Variants in ZNF709 observed in about 807,000 individuals in gnomAD.
The protein encoded by ZNF709 is zinc finger protein 709.
Under a neutral mutation model 10.6 loss-of-function variants are expected in ZNF709, and 15 were observed. That is an observed-to-expected ratio of 1.41 (90% CI 0.95 to 2.18). The LOEUF is 2.18. Among genes scored for constraint, ZNF709 ranks in the 30% most tolerant of loss-of-function variants. The pLI, the probability that ZNF709 is intolerant of heterozygous loss-of-function variation, is 0.00. For missense variants in ZNF709, 589 were observed against 774.0 expected, an observed-to-expected ratio of 0.76 and a Z score of 2.84; for synonymous variants, 194 against 238.8, an observed-to-expected ratio of 0.81 and a Z score of 1.73.
chr19:12,469,066 T>C (rs1427013054), intron 1 of ZNF709, among the ~76,000 whole-genome samples: 1 of 152,172 alleles, frequency 6.6e-6, no homozygotes, highest in East Asian at 1.9e-4. Flanking sequence ...GGTCTCGATC[T>C]CCTGACCTCG....
chr19:12,468,703 A>G (rs568353330), intron 1 of ZNF709, among the ~76,000 whole-genome samples: 9 of 152,242 alleles, frequency 5.9e-5, no homozygotes, highest in African/African-American at 1.9e-4. Context: ...AAAAAAAAAA[A>G]AAAAGAAATG....
intron 1 of ZNF709, among the ~76,000 whole-genome samples, chr19:12,478,056 C>T: frequency 6.6e-6 from 1 of 152,190 alleles, no homozygotes; most frequent in East Asian, 1.9e-4. Flanking sequence ...GGGTCAGCAT[C>T]CTTGCTGCAA....
chr19:12,471,401 T>G (rs976023616), intron 1 of ZNF709, among the ~76,000 whole-genome samples: 5 of 152,136 alleles, frequency 3.3e-5, no homozygotes, highest in South Asian at 2.1e-4. Flanking sequence ...TACAAATCCC[T>G]AAAATAGACT....
intron 1 of ZNF709, among the ~76,000 whole-genome samples, chr19:12,468,984 G>A (rs1024566547): frequency 1.3e-5 from 2 of 152,090 alleles, no homozygotes; most frequent in African/African-American, 2.4e-5. Flanking sequence ...AGGACTACTG[G>A]CGCCCGCCAC....
Position 12,466,531 on chromosome 19 carries a change from G to A in ZNF709, c.131-12C>T, listed in dbSNP as rs992096324. 5 of 1,613,474 alleles carry A rather than the reference G, an allele frequency of 3.1e-6. No individual in the cohort carries two copies. In the South Asian group the frequency reaches 4.4e-5, roughly 14 times the overall value. ...CTCCCAGTTTTCCCCTAAAATGCAG[G>A]CCCAGAAAAATCATTAAACCTATTC... On this transcript the variant is annotated splice_polypyrimidine_tract_variant and intron_variant, in intron 2 of 3. Coordinates refer to ENST00000397732, the MANE Select transcript of ZNF709 (RefSeq NM_152601.4).
chr19:12,481,885 T>C (rs1970729828), intron 1 of ZNF709, among the ~76,000 whole-genome samples: 1 of 131,570 alleles, frequency 7.6e-6, no homozygotes, highest in Non-Finnish European at 1.5e-5. Context: ...CACTCTAGTC[T>C]GGGTGACAGA....
intron 1 of ZNF709, among the ~76,000 whole-genome samples, chr19:12,484,380 A>G (rs1970759301): frequency 6.6e-6 from 1 of 152,126 alleles, no homozygotes; most frequent in Admixed American, 6.5e-5. Context: ...ATCTGGGGAG[A>G]CGCGAGGCTG....
intron 1 of ZNF709, among the ~76,000 whole-genome samples, chr19:12,477,642 G>A (rs1279969497): frequency 2.0e-5 from 3 of 152,160 alleles, no homozygotes; most frequent in Non-Finnish European, 2.9e-5. Flanking sequence ...ATCCTATAGT[G>A]TGTTAATTAA....
rs1970512913 is a variant in ZNF709, at chr19:12,461,402, A to C, written c.*2594T>G. The C allele has an allele frequency of 6.6e-6, 1 of 152,120 alleles. No homozygotes were observed. Among genetic ancestry groups the C allele is most frequent in the Admixed American group, 6.5e-5 (1 of 15,278 alleles). 9.4% of individuals were successfully genotyped at this position (152,120 alleles called of 1,614,324 possible). ...TTCAACTGTAATAGGAAACACCGACAATCTGCTTGATATTAGGAAGGTGCT... is the reference window on the plus strand; with the variant it reads ...TTCAACTGTAATAGGAAACACCGACCATCTGCTTGATATTAGGAAGGTGCT... On this transcript the variant is annotated 3_prime_UTR_variant, in exon 4 of 4. Transcript: ENST00000397732.
rs569034147 is a variant in ZNF709, at chr19:12,461,360, T to C, written c.*2636A>G. 1 of 152,140 alleles carries C rather than the reference T, an allele frequency of 6.6e-6. No homozygotes were observed. Among genetic ancestry groups the C allele is most frequent in the Admixed American group, 6.5e-5 (1 of 15,284 alleles). 9.4% of individuals were successfully genotyped at this position (152,140 alleles called of 1,614,324 possible). On this transcript the variant is annotated 3_prime_UTR_variant, in exon 4 of 4. Transcript: ENST00000397732. ...ACATATAATGAAACAAAATTGAAAA[T>C]GTACTGAGAGATGACATTCAACTGT...
intron 1 of ZNF709, among the ~76,000 whole-genome samples, chr19:12,479,592 C>T (rs992583474): frequency 2.0e-5 from 3 of 152,010 alleles, no homozygotes; most frequent in African/African-American, 4.8e-5. Flanking sequence ...TAATCCAGGC[C>T]GGGTGCGATG....
chr19:12,479,749 A>G (rs560816520), intron 1 of ZNF709, among the ~76,000 whole-genome samples: 35 of 152,302 alleles, frequency 2.3e-4, no homozygotes, highest in Admixed American at 2.0e-3. Context: ...GCACGCATGT[A>G]GTCCCAGCTA....
At chr19:12,475,252 C>A in intron 1 of ZNF709, among the ~76,000 whole-genome samples, 1 of 53,682 alleles carries the variant, frequency 1.9e-5, no homozygotes, top group Non-Finnish European at 4.2e-5. Context: ...AGTGAGATTC[C>A]GTCTTAAAAA....
chr19:12,473,065 C>T (rs1473861423), intron 1 of ZNF709, among the ~76,000 whole-genome samples: 2 of 152,192 alleles, frequency 1.3e-5, no homozygotes, highest in Non-Finnish European at 1.5e-5. Flanking sequence ...TCAACTGATA[C>T]ACTCCATTGC....
At chr19:12,482,148 CACACACAA>C (rs879646705) in intron 1 of ZNF709, among the ~76,000 whole-genome samples, 2,039 of 141,710 alleles carry the variant, frequency 0.014, 30 homozygotes, top group African/African-American at 0.033. Flanking sequence ...TACACACACA[CACACACAA>C]ACACACACAC....
intron 1 of ZNF709, among the ~76,000 whole-genome samples, chr19:12,480,615 A>G (rs1312770952): frequency 6.6e-6 from 1 of 151,354 alleles, no homozygotes; most frequent in African/African-American, 2.4e-5. Context: ...CCTGGGAGGC[A>G]GAGCTTGCGG....
At chr19:12,467,499 A>C (rs1285712422) in intron 1 of ZNF709, among the ~76,000 whole-genome samples, 2 of 150,666 alleles carry the variant, frequency 1.3e-5, no homozygotes, top group Admixed American at 6.6e-5. Flanking sequence ...TACAACCTCC[A>C]CCTCCCAGCT....
intron 1 of ZNF709, among the ~76,000 whole-genome samples, chr19:12,472,181 A>G (rs1970639011): frequency 6.6e-6 from 1 of 152,142 alleles, no homozygotes; most frequent in South Asian, 2.1e-4. Flanking sequence ...GTCAATAAAT[A>G]AGTAATAAAA....
intron 1 of ZNF709, among the ~76,000 whole-genome samples, chr19:12,480,957 T>C (rs961480312): frequency 2.0e-5 from 3 of 151,798 alleles, no homozygotes; most frequent in Non-Finnish European, 2.9e-5. Context: ...TAATTTTTTT[T>C]TTTTTTTGTA....
Sources: gnomAD v4.1 joint callset for allele counts (sites outside exome capture counted in the v4.1 genomes callset) on GRCh38, gnomAD v4.1.1 for gene constraint, MANE v1.5 for transcripts, NCBI Gene and HGNC (gene_info 2026-07-23, HGNC 2026-07-21) for gene names.